Variants in CTNNA3 observed in about 807,000 individuals in gnomAD.
CTNNA3 encodes catenin alpha 3, also known as catenin alpha-3.
CTNNA3 carries 76 observed loss-of-function variants against 95.7 expected under a neutral mutation model. That is an observed-to-expected ratio of 0.79 (90% CI 0.66 to 0.96). CTNNA3 has a LOEUF of 0.96. CTNNA3 is among the 40% of genes least tolerant of loss of function. The pLI is 0.00. For synonymous variants in CTNNA3, 431 were observed against 374.4 expected, an observed-to-expected ratio of 1.15 and a Z score of -1.74; for missense variants, 1,191 against 1,089.8, an observed-to-expected ratio of 1.09 and a Z score of -1.31.
intron 7 of CTNNA3, among the ~76,000 whole-genome samples, chr10:67,144,371 G>T (rs1014580754): frequency 1.3e-5 from 2 of 152,200 alleles, no homozygotes; most frequent in African/African-American, 2.4e-5. Flanking sequence ...TAACAAAAGA[G>T]TTAGCCTGTC....
intron 11 of CTNNA3, among the ~76,000 whole-genome samples, chr10:66,422,973 C>T (rs1415616013): frequency 1.3e-5 from 2 of 151,950 alleles, no homozygotes; most frequent in African/African-American, 2.4e-5. Flanking sequence ...AAGAATAGCT[C>T]AGGAGGTAGG....
At chr10:66,037,225 G>T (rs1195918044) in intron 15 of CTNNA3, among the ~76,000 whole-genome samples, 3 of 152,086 alleles carry the variant, frequency 2.0e-5, no homozygotes, top group Admixed American at 6.5e-5. Context: ...AAAAATTCTA[G>T]ATTTTTATAG....
At chr10:66,635,973 A>G (rs16913200) in intron 9 of CTNNA3, among the ~76,000 whole-genome samples, 10,862 of 150,030 alleles carry the variant, frequency 0.072, 1,295 homozygotes, top group African/African-American at 0.25. Context: ...TAATGAGTGA[A>G]ACAAATTGGA....
chr10:66,483,295 T>A (rs1462151554), intron 11 of CTNNA3, among the ~76,000 whole-genome samples: 1 of 152,172 alleles, frequency 6.6e-6, no homozygotes, highest in African/African-American at 2.4e-5. Flanking sequence ...CCTGAGAGAA[T>A]TAAATATCCT....
intron 7 of CTNNA3, among the ~76,000 whole-genome samples, chr10:67,013,459 A>C (rs966501265): frequency 1.1e-4 from 16 of 152,216 alleles, no homozygotes; most frequent in Non-Finnish European, 2.2e-4. Context: ...AAAGAGACAG[A>C]ATTCTCAGAC....
intron 5 of CTNNA3, among the ~76,000 whole-genome samples, chr10:67,460,797 CAAAAAAAGGA>C (rs1242603847): frequency 2.6e-5 from 4 of 151,264 alleles, no homozygotes; most frequent in Admixed American, 2.0e-4. Flanking sequence ...AGATACTAAC[CAAAAAAAGGA>C]GAAAAAAGAG....
chr10:66,324,060 G>A (rs1019949235), intron 12 of CTNNA3, among the ~76,000 whole-genome samples: 3 of 151,808 alleles, frequency 2.0e-5, no homozygotes, highest in South Asian at 2.1e-4. Context: ...ACTCACATTC[G>A]CTTGAATTCC....
chr10:66,907,517 C>T (rs563820911), intron 7 of CTNNA3, among the ~76,000 whole-genome samples: 49 of 152,240 alleles, frequency 3.2e-4, no homozygotes, highest in African/African-American at 1.2e-3. Context: ...CAGTTGCTTC[C>T]TGAAATCCTT....
At chr10:66,442,714 C>T (rs1381129460) in intron 11 of CTNNA3, among the ~76,000 whole-genome samples, 4 of 152,270 alleles carry the variant, frequency 2.6e-5, no homozygotes, top group East Asian at 1.9e-4. Context: ...CTCCGGTCTA[C>T]AGCTCCCAGC....
At chr10:67,674,649 A>G (rs1298921526) in intron 1 of CTNNA3, among the ~76,000 whole-genome samples, 1 of 152,160 alleles carries the variant, frequency 6.6e-6, no homozygotes, top group Non-Finnish European at 1.5e-5. Context: ...TGCAAAGGAG[A>G]TATCACATCA....
chr10:66,336,228 AC>A (rs1238023533), intron 12 of CTNNA3, among the ~76,000 whole-genome samples: 2 of 151,910 alleles, frequency 1.3e-5, no homozygotes, highest in African/African-American at 4.8e-5. Context: ...GGTGCACAGC[AC>A]CCACTGTCCT....
chr10:67,272,691 A>G (rs979766334), intron 5 of CTNNA3, among the ~76,000 whole-genome samples: 1 of 152,226 alleles, frequency 6.6e-6, no homozygotes, highest in Non-Finnish European at 1.5e-5. Context: ...AATAGGGAAG[A>G]AAGTTTTAGT....
At chr10:67,006,121 T>C (rs953465718) in intron 7 of CTNNA3, among the ~76,000 whole-genome samples, 2 of 152,156 alleles carry the variant, frequency 1.3e-5, no homozygotes, top group Non-Finnish European at 2.9e-5. Context: ...TGCAACTATC[T>C]TGCAAGGTAA....
chr10:66,912,966 G>A (rs146359520), intron 7 of CTNNA3, among the ~76,000 whole-genome samples: 463 of 148,696 alleles, frequency 3.1e-3, no homozygotes, highest in African/African-American at 0.011. Flanking sequence ...TAGGCCGGGC[G>A]CGGTGGCTCA....
In CTNNA3 at chr10:66,691,811, C is replaced by T. The variant is rs574636944; in HGVS notation, c.1282-70027G>A. ...GCAGCATTCGCGGTTCACAAAAATC[C>T]GCTGTTCTGCAGCCACCGCTGCTGA... On this transcript the variant is annotated intron_variant, in intron 9 of 17. Coordinates refer to ENST00000433211, the MANE Select transcript of CTNNA3 (RefSeq NM_013266.4). 5.8e-3 allele frequency among the ~76,000 whole-genome samples: 882 copies of T among 152,196 alleles called. 6 individuals carry two copies. The highest frequency in any genetic ancestry group is 0.02 in the African/African-American group (832 of 41,530).
At chr10:66,604,797 A>AAAG (rs1295049985) in intron 10 of CTNNA3, among the ~76,000 whole-genome samples, 1 of 151,810 alleles carries the variant, frequency 6.6e-6, no homozygotes, top group East Asian at 1.9e-4. Context: ...GCAAAAAAAA[A>AAAG]AAAAAATCCA....
intron 10 of CTNNA3, among the ~76,000 whole-genome samples, chr10:66,564,703 G>A (rs1842652935): frequency 6.6e-6 from 1 of 152,118 alleles, no homozygotes; most frequent in African/African-American, 2.4e-5. Flanking sequence ...TACCAAAAGT[G>A]CCTTTTCCTT....
intron 5 of CTNNA3, among the ~76,000 whole-genome samples, chr10:67,404,014 C>T (rs1218634289): frequency 6.6e-6 from 1 of 152,116 alleles, no homozygotes; most frequent in Non-Finnish European, 1.5e-5. Flanking sequence ...ACGAGCAAAA[C>T]AACAAGAACA....
chr10:66,968,387 C>T (rs1325944927), intron 7 of CTNNA3, among the ~76,000 whole-genome samples: 2 of 147,938 alleles, frequency 1.4e-5, no homozygotes, highest in Non-Finnish European at 3.0e-5. Context: ...GATATACATA[C>T]ATATTAGTTT....
Sources: gnomAD v4.1 joint callset for allele counts (sites outside exome capture counted in the v4.1 genomes callset) on GRCh38, gnomAD v4.1.1 for gene constraint, MANE v1.5 for transcripts, NCBI Gene and HGNC (gene_info 2026-07-23, HGNC 2026-07-21) for gene names.